MCM9: variants seen among roughly 807,000 people sequenced by gnomAD.
MCM9 encodes the protein DNA helicase MCM9.
Under a neutral mutation model 72.8 loss-of-function variants are expected in MCM9, and 55 were observed. The ratio of observed to expected loss-of-function variants is 0.76; its 90% confidence interval spans 0.61 to 0.95. MCM9 has a LOEUF of 0.95. Among genes scored for constraint, MCM9 ranks in the 40% least tolerant of loss-of-function variants. The pLI is 0.00. For synonymous variants in MCM9, 480 were observed against 503.4 expected, an observed-to-expected ratio of 0.95 and a Z score of 0.62; for missense variants, 1,279 against 1,377.0, an observed-to-expected ratio of 0.93 and a Z score of 1.13.
At chr6:118,828,626 C>T (rs1393183464) in intron 10 of MCM9, among the ~76,000 whole-genome samples, 2 of 152,118 alleles carry the variant, frequency 1.3e-5, no homozygotes, top group Admixed American at 6.6e-5. Flanking sequence ...CTCAGGTGAT[C>T]CACCTGTCTC....
At chr6:118,921,712 C>T (rs1045550446) in intron 5 of MCM9, 3 of 238,258 alleles carry the variant, frequency 1.3e-5, no homozygotes, top group African/African-American at 6.8e-5. Flanking sequence ...TTAAATTAGA[C>T]ATCAGTGGTT....
chr6:118,843,642 A>ATATATATATATATATATACACG (rs1583405936), intron 9 of MCM9, among the ~76,000 whole-genome samples: 4 of 3,388 alleles, frequency 1.2e-3, no homozygotes, highest in Non-Finnish European at 8.1e-3. Flanking sequence ...AAAACAAAAC[A>ATATATATATATATATATACACG]TATATATATA....
chr6:118,828,953 A>G, intron 10 of MCM9, 95 bp downstream of exon 10: 1 of 1,258,064 alleles, frequency 7.9e-7, no homozygotes, highest in Non-Finnish European at 1.1e-6. Flanking sequence ...TACATAGCCT[A>G]TCTTGGGTAT....
chr6:118,856,351 G>A lies in MCM9; in HGVS notation c.1325+20C>T. 6.6e-7 allele frequency: 1 copy of A among 1,523,292 alleles called. No individual in the cohort carries two copies. The highest frequency in any genetic ancestry group is 8.8e-7 in the Non-Finnish European group (1 of 1,142,264). 94.4% of individuals were successfully genotyped at this position (1,523,292 alleles called of 1,614,324 possible). ...ATTAAATAATCTCATTATTCCCATA[G>A]ATTTTAAAGAAACTCTTACCCAGCC... On this transcript the variant is annotated intron_variant, in intron 9 of 13. Transcript: ENST00000619706.
At chr6:118,850,372 A>C (rs894807315) in intron 9 of MCM9, among the ~76,000 whole-genome samples, 3 of 151,870 alleles carry the variant, frequency 2.0e-5, no homozygotes, top group African/African-American at 7.3e-5. Context: ...ATACATATGA[A>C]ATAAAATAAT....
intron 9 of MCM9, among the ~76,000 whole-genome samples, chr6:118,845,029 A>G (rs973865050): frequency 1.3e-5 from 2 of 151,808 alleles, no homozygotes; most frequent in African/African-American, 4.9e-5. Context: ...CAGCCAATCA[A>G]TGAACTAGCC....
At position 118,899,409 on chromosome 6, in the gene MCM9, T is replaced by TG. The variant is rs141506246; in HGVS notation, c.1150+12240dup. Among the ~76,000 whole-genome samples, 154 of 152,268 alleles carry TG rather than the reference T, an allele frequency of 1.0e-3. 1 individual carries two copies. The East Asian group carries it at 0.012, about 12-fold the overall frequency. Reference sequence around the variant, plus strand: ...CATTCTGCTCCAGCCCTAGCCTCCTTGCTTTTTCTTGCCAAGTGTGCCCTA... The same window carrying TG: ...CATTCTGCTCCAGCCCTAGCCTCCTTGGCTTTTTCTTGCCAAGTGTGCCCTA... On this transcript the variant is annotated intron_variant, in intron 8 of 13. Coordinates refer to ENST00000619706, the MANE Select transcript of MCM9 (RefSeq NM_017696.3).
chr6:118,896,497 A>G (rs1164446340), intron 8 of MCM9, among the ~76,000 whole-genome samples: 1 of 152,194 alleles, frequency 6.6e-6, no homozygotes, highest in Non-Finnish European at 1.5e-5. Flanking sequence ...AGCCATTCAT[A>G]AAGCCAAAAC....
intron 8 of MCM9, among the ~76,000 whole-genome samples, chr6:118,893,657 C>T (rs1230533970): frequency 1.4e-4 from 22 of 152,146 alleles, no homozygotes; most frequent in Admixed American, 1.4e-3. Context: ...TTCGAGCTGA[C>T]ATCGGTCTAT....
chr6:118,917,470 G>A lies in MCM9; in HGVS notation c.904+91C>T, dbSNP rs1781056238. On this transcript the variant is annotated intron_variant, in intron 6 of 13. Coordinates refer to ENST00000619706, the MANE Select transcript of MCM9 (RefSeq NM_017696.3). ...TTTAAACTCAGTCATTGAGTTATGC[G>A]GCATATAAGACTGTCAAATCACAGA... is the stretch of plus-strand genomic sequence containing the variant. The A allele has an allele frequency of 2.1e-5, 26 of 1,216,978 alleles. No individual in the cohort carries two copies. In the Middle Eastern group the frequency reaches 9.7e-4, roughly 46 times the overall value. 75.4% of individuals were successfully genotyped at this position (1,216,978 alleles called of 1,614,324 possible). A position where few individuals can be genotyped will look rare whatever the true frequency, so the allele number is the denominator to read the frequency against.
intron 4 of MCM9, 28 bp from the exon 5 acceptor site, chr6:118,922,114 A>C: frequency 6.4e-7 from 1 of 1,555,800 alleles, no homozygotes. Context: ...ACAGATTCTG[A>C]GTATGCTTAA....
In MCM9 at chr6:118,815,321, C is replaced by T. The variant is rs1174012269; in HGVS notation, c.2935G>A (p.Gly979Arg). The T allele has an allele frequency of 2.6e-6, 4 of 1,550,574 alleles. No homozygotes were observed. The South Asian group carries it at 3.6e-5, about 14-fold the overall frequency. Reference protein sequence around the residue: ...KRPGKLTSTPGNQISSQPQGE... With the variant: ...KRPGKLTSTPRNQISSQPQGE... ...TGTGGCTGACTGGAGATCTGGTTTCCTGGGGTAGATGTTAACTTTCCTGGA... is the reference window on the plus strand; with the variant it reads ...TGTGGCTGACTGGAGATCTGGTTTCTTGGGGTAGATGTTAACTTTCCTGGA... The change falls in exon 14 of 14, where the codon GGA becomes AGA. Residue 979 changes from glycine to arginine, a missense_variant. Transcript: ENST00000619706.
rs758845996 is a variant in MCM9 at position 118,917,664 on chromosome 6, G to A, written c.801C>T (p.Tyr267=). Residue 267 remains tyrosine (Y), a synonymous_variant, in exon 6 of 14, where the codon TAC becomes TAT. Transcript: ENST00000619706. ...AGGACTGCTCATTATTTACTTGGAT[G>A]TAATTTGCTTTCAGGACTATCTCCA... ...CEVEIVLKAN[Y]IQVNNEQSSG... 1.9e-6 allele frequency: 3 copies of A among 1,614,176 alleles called. No homozygotes were observed. The South Asian group carries it at 3.3e-5, about 18-fold the overall frequency.
At position 118,829,206 on chromosome 6, in the gene MCM9, G is replaced by A. The variant is rs756308573; in HGVS notation, c.1370C>T (p.Thr457Met). The change falls in exon 10 of 14, where the codon ACG becomes ATG. Residue 457 changes from threonine to methionine, a missense_variant. Transcript: ENST00000619706. ...GGGGTCGTACTGGCCTTTGGGGTTCGTTGCTGCCAGGATGGTGGTCCTTGT... is the reference window on the plus strand; with the variant it reads ...GGGGTCGTACTGGCCTTTGGGGTTCATTGCTGCCAGGATGGTGGTCCTTGT... The part of the protein sequence containing the change: ...LNTRTTILAA[T>M]NPKGQYDPQE... 9 of 1,550,540 alleles carry A rather than the reference G, an allele frequency of 5.8e-6. No homozygotes were observed. Among genetic ancestry groups the A allele is most frequent in the Middle Eastern group, 1.7e-4 (1 of 6,014 alleles).
chr6:118,872,161 CA>C (rs1777640312), intron 8 of MCM9, among the ~76,000 whole-genome samples: 1 of 150,116 alleles, frequency 6.7e-6, no homozygotes. Flanking sequence ...ACTAAAAGTA[CA>C]AAAAAAATTA....
intron 3 of MCM9, among the ~76,000 whole-genome samples, chr6:118,925,916 T>C (rs1457323239): frequency 6.6e-6 from 1 of 152,004 alleles, no homozygotes; most frequent in East Asian, 1.9e-4. Context: ...AAAAAAAATA[T>C]GAATACTTAA....
At chr6:118,891,364 T>C (rs1023170139) in intron 8 of MCM9, among the ~76,000 whole-genome samples, 3 of 152,180 alleles carry the variant, frequency 2.0e-5, no homozygotes, top group Admixed American at 6.5e-5. Flanking sequence ...GGGAAAAATA[T>C]CTTATAGCTA....
At chr6:118,899,545 C>T (rs1210586620) in intron 8 of MCM9, among the ~76,000 whole-genome samples, 1 of 152,146 alleles carries the variant, frequency 6.6e-6, no homozygotes, top group Non-Finnish European at 1.5e-5. Context: ...CAGCACCCTG[C>T]ATCTGGAAGT....
intron 8 of MCM9, among the ~76,000 whole-genome samples, chr6:118,857,688 G>A (rs1023831113): frequency 4.7e-5 from 7 of 149,118 alleles, no homozygotes; most frequent in African/African-American, 1.7e-4. Flanking sequence ...ATGAAAGAGG[G>A]GGCATAACTA....
Sources: gnomAD v4.1 joint callset for allele counts (sites outside exome capture counted in the v4.1 genomes callset) on GRCh38, gnomAD v4.1.1 for gene constraint, MANE v1.5 for transcripts, NCBI Gene and HGNC (gene_info 2026-07-23, HGNC 2026-07-21) for gene names.